VTA1: variants seen among roughly 807,000 people sequenced by gnomAD.
VTA1 encodes vesicle trafficking 1, also known as vacuolar protein sorting-associated protein VTA1 homolog.
A neutral mutation model predicts 36.9 loss-of-function variants in VTA1; 24 were observed. That is an observed-to-expected ratio of 0.65 (90% CI 0.47 to 0.91). VTA1 has a LOEUF of 0.91. Among genes scored for constraint, VTA1 ranks in the 40% least tolerant of loss-of-function variants. The pLI, the probability that VTA1 is intolerant of heterozygous loss-of-function variation, is 0.00. For missense variants in VTA1, 393 were observed against 377.2 expected, an observed-to-expected ratio of 1.04 and a Z score of -0.35; for synonymous variants, 142 against 130.2, an observed-to-expected ratio of 1.09 and a Z score of -0.62.
At chr6:142,205,469 T>C (rs1009376814) in intron 7 of VTA1, among the ~76,000 whole-genome samples, 3 of 152,216 alleles carry the variant, frequency 2.0e-5, no homozygotes, top group African/African-American at 7.2e-5. Context: ...AAATAATTTT[T>C]AAATATGTAA....
rs563289079 is a variant in VTA1 at position 142,181,798 on chromosome 6, TG to T, written c.412-7622del. On this transcript the variant is annotated intron_variant, in intron 4 of 7. Coordinates refer to ENST00000367630, the MANE Select transcript of VTA1 (RefSeq NM_016485.5). ...TGTGTATTAAGTTATAGTTATGATTTGGGGGGTATAGTTTTACTCTCCCTTT... is the reference window on the plus strand; with the variant it reads ...TGTGTATTAAGTTATAGTTATGATTTGGGGGTATAGTTTTACTCTCCCTTT... Among the ~76,000 whole-genome samples, 96 of 152,222 alleles carry T rather than the reference TG, an allele frequency of 6.3e-4. No homozygotes were observed. The South Asian group carries it at 0.013, about 21-fold the overall frequency.
At chr6:142,205,197 T>C (rs1273948963) in intron 7 of VTA1, among the ~76,000 whole-genome samples, 3 of 152,194 alleles carry the variant, frequency 2.0e-5, no homozygotes, top group Admixed American at 6.5e-5. Context: ...CATACCTACC[T>C]TAAGAGTTCT....
In VTA1 at chr6:142,188,908, G is replaced by A. The variant is rs1010552723; in HGVS notation, c.412-518G>A. Among the ~76,000 whole-genome samples, 112 of 152,172 alleles carry A rather than the reference G, an allele frequency of 7.4e-4. 2 individuals carry two copies. The highest frequency in any genetic ancestry group is 2.5e-4 in the Non-Finnish European group (17 of 68,024). On this transcript the variant is annotated intron_variant, in intron 4 of 7. Transcript: ENST00000367630. ...CCTTTTTAGAATCAGGGTAACTGAG[G>A]TTCAGAGCTGTTAACTAGCATGTGA...
chr6:142,211,828 C>T (rs1011023710), intron 7 of VTA1, among the ~76,000 whole-genome samples: 3 of 151,658 alleles, frequency 2.0e-5, no homozygotes, highest in Non-Finnish European at 4.4e-5. Context: ...AGAACAATAA[C>T]GCAGACAACC....
chr6:142,163,812 A>G (rs963452324), intron 1 of VTA1, among the ~76,000 whole-genome samples: 2 of 152,152 alleles, frequency 1.3e-5, no homozygotes, highest in Admixed American at 1.3e-4. Flanking sequence ...TATGAGTTAG[A>G]AAAAACATTG....
intron 4 of VTA1, among the ~76,000 whole-genome samples, chr6:142,186,662 G>A (rs921427078): frequency 3.9e-5 from 6 of 152,148 alleles, no homozygotes; most frequent in African/African-American, 1.4e-4. Context: ...GGTGGTAGGG[G>A]GATCAAAAGA....
intron 1 of VTA1, among the ~76,000 whole-genome samples, chr6:142,149,999 T>A (rs1192519066): frequency 6.6e-6 from 1 of 152,194 alleles, no homozygotes; most frequent in Non-Finnish European, 1.5e-5. Flanking sequence ...CTGTGTAATT[T>A]CTTGAGGTTT....
At position 142,220,827 on chromosome 6, in the gene VTA1, T is replaced by C. The variant is rs1048204552; in HGVS notation, c.*2184T>C. 2.0e-5 allele frequency: 3 copies of C among 152,076 alleles called. No individual in the cohort carries two copies. Among genetic ancestry groups the C allele is most frequent in the African/African-American group, 7.2e-5 (3 of 41,418 alleles). 9.4% of individuals were successfully genotyped at this position (152,076 alleles called of 1,614,324 possible). On this transcript the variant is annotated 3_prime_UTR_variant, in exon 8 of 8. Transcript: ENST00000367630. ...ATTCCTTCCATATATATTTACTGAATGGCTACTATATGCCTGGTATTGTTC... is the reference window on the plus strand; with the variant it reads ...ATTCCTTCCATATATATTTACTGAACGGCTACTATATGCCTGGTATTGTTC...
At chr6:142,181,094 A>AAAATATAT (rs1471429927) in intron 4 of VTA1, among the ~76,000 whole-genome samples, 21 of 36,432 alleles carry the variant, frequency 5.8e-4, no homozygotes, top group African/African-American at 9.1e-4. Flanking sequence ...AAAAAAAAAA[A>AAAATATAT]ATATATATAT....
At chr6:142,164,692 C>A (rs1774881222) in intron 1 of VTA1, among the ~76,000 whole-genome samples, 1 of 152,078 alleles carries the variant, frequency 6.6e-6, no homozygotes, top group African/African-American at 2.4e-5. Flanking sequence ...CAACGGTAGA[C>A]CCATAGAATA....
In VTA1 at chr6:142,147,404, G is replaced by A. The variant is rs1396864643; in HGVS notation, c.112+5G>A. The A allele has an allele frequency of 6.2e-7, 1 of 1,612,944 alleles. No homozygotes were observed. The highest frequency in any genetic ancestry group is 1.3e-5 in the African/African-American group (1 of 74,902). On this transcript the variant is annotated splice_donor_5th_base_variant and intron_variant, in intron 1 of 7. Coordinates refer to ENST00000367630, the MANE Select transcript of VTA1 (RefSeq NM_016485.5). ...ACCCTGTGGTGGCTTATTACTGTGA[G>A]TCTTTCCGAGTGGCCGCGCCCTTTC...
At chr6:142,170,099 T>C (rs1195871145) in intron 3 of VTA1, among the ~76,000 whole-genome samples, 2 of 152,200 alleles carry the variant, frequency 1.3e-5, no homozygotes, top group Admixed American at 1.3e-4. Context: ...ATTACATTTT[T>C]CTAAAGTCAA....
chr6:142,214,383 G>A (rs1217688249), intron 7 of VTA1, among the ~76,000 whole-genome samples: 3 of 152,132 alleles, frequency 2.0e-5, no homozygotes, highest in Admixed American at 6.5e-5. Context: ...AACAAGTCAC[G>A]TGGAAGGTGA....
At chr6:142,193,877 T>C (rs1472714929) in intron 5 of VTA1, among the ~76,000 whole-genome samples, 2 of 152,092 alleles carry the variant, frequency 1.3e-5, no homozygotes, top group Admixed American at 6.6e-5. Context: ...CAATTTAGTT[T>C]GCAGGGATCT....
chr6:142,189,951 G>T (rs928483423), intron 5 of VTA1, among the ~76,000 whole-genome samples: 2 of 152,030 alleles, frequency 1.3e-5, no homozygotes, highest in East Asian at 1.9e-4. Flanking sequence ...TAGAGACGGG[G>T]TTTCACTGTG....
At chr6:142,156,225 A>C (rs77142029) in intron 1 of VTA1, among the ~76,000 whole-genome samples, 143 of 152,056 alleles carry the variant, frequency 9.4e-4, no homozygotes, top group Non-Finnish European at 1.5e-3. Flanking sequence ...AAGTCAGATT[A>C]AAAAAAACGG....
chr6:142,177,835 T>G (rs1162568594), intron 4 of VTA1, among the ~76,000 whole-genome samples: 1 of 152,142 alleles, frequency 6.6e-6, no homozygotes, highest in Non-Finnish European at 1.5e-5. Context: ...TTTAGAGAGG[T>G]TGTCAGCAAA....
At chr6:142,204,720 A>AT (rs1389279901) in intron 7 of VTA1, among the ~76,000 whole-genome samples, 1 of 147,168 alleles carries the variant, frequency 6.8e-6, no homozygotes, top group Non-Finnish European at 1.5e-5. Flanking sequence ...AAATCCTTTT[A>AT]ATTTAAAGGA....
chr6:142,170,607 ATTT>A (rs1775010865), intron 4 of VTA1, among the ~76,000 whole-genome samples, 186 bp downstream of exon 4: 1 of 152,122 alleles, frequency 6.6e-6, no homozygotes, highest in African/African-American at 2.4e-5. Context: ...ATATATTTTA[ATTT>A]TGTACTAAGT....
Sources: allele counts gnomAD v4.1 joint callset (sites outside exome capture counted in the v4.1 genomes callset), GRCh38; gene constraint gnomAD v4.1.1; transcripts MANE v1.5; gene names NCBI Gene and HGNC (gene_info 2026-07-23, HGNC 2026-07-21).